Variants in ABRA observed in about 807,000 individuals in gnomAD.
ABRA encodes actin-binding Rho-activating protein.
A neutral mutation model predicts 33.4 loss-of-function variants in ABRA; 25 were observed. The ratio of observed to expected loss-of-function variants is 0.75; its 90% CI spans 0.55 to 1.04. The LOEUF is 1.04. ABRA is among the 50% of genes least tolerant of loss of function. ABRA has a pLI of 0.00. For synonymous variants in ABRA, 193 were observed against 176.8 expected (o/e 1.09, Z -0.73); for missense variants, 501 against 491.7 (o/e 1.02, Z -0.18).
chr8:106,763,492 A>G (rs1836165866), intron 1 of ABRA, among the ~76,000 whole-genome samples: 1 of 152,222 alleles, frequency 6.6e-6, no homozygotes, highest in South Asian at 2.1e-4. Flanking sequence ...GCTGAAGTGT[A>G]ATGGATTTCC....
At position 106,769,552 on chromosome 8, in the gene ABRA, C is replaced by A; in HGVS notation, c.639G>T (p.Val213=). 1.9e-6 allele frequency: 3 copies of A among 1,613,876 alleles called. No homozygotes were observed. Among genetic ancestry groups the A allele is most frequent in the Non-Finnish European group, 2.5e-6 (3 of 1,179,908 alleles). Residue 213 remains valine (V), a synonymous_variant, in exon 1 of 2, where the codon GTG becomes GTT. Coordinates refer to ENST00000311955, the MANE Select transcript of ABRA (RefSeq NM_139166.5). ...RPEQDGVQVA[V]VRIKRPLPSQ... is the part of the protein sequence containing the mutation. The stretch of plus-strand genomic sequence containing the variant: ...AGGGCAAGGGGCGCTTGATCCTGAC[C>A]ACAGCCACCTGCACTCCATCCTGCT...
chr8:106,769,650 C>T lies in ABRA; in HGVS notation c.541G>A (p.Glu181Lys), dbSNP rs1563782477. 1.9e-6 allele frequency: 3 copies of T among 1,614,188 alleles called. No homozygotes were observed. The highest frequency in any genetic ancestry group is 2.2e-5 in the South Asian group (2 of 91,086). Residue 181 changes from glutamate (E) to lysine (K), a missense_variant, in exon 1 of 2, where the codon GAG (glutamate) becomes AAG (lysine). By Grantham distance (56) the Glu-to-Lys change is moderately conservative. Coordinates refer to ENST00000311955, the MANE Select transcript of ABRA (RefSeq NM_139166.5). The stretch of plus-strand genomic sequence containing the variant: ...ACGCTGTCACTCCTCCATGTGGGCT[C>T]CTCCTGCTCCATCACTCTCCAGCCC... ...TKGWRVMEQE[E>K]PTWRSDSVDT...
intron 1 of ABRA, among the ~76,000 whole-genome samples, chr8:106,763,464 G>C (rs575801500): frequency 2.0e-5 from 3 of 152,154 alleles, no homozygotes; most frequent in African/African-American, 4.8e-5. Context: ...GTGTGAAAAA[G>C]TGCTAGGAGC....
At chr8:106,764,448 G>A (rs925894634) in intron 1 of ABRA, among the ~76,000 whole-genome samples, 5 of 152,184 alleles carry the variant, frequency 3.3e-5, no homozygotes, top group African/African-American at 9.6e-5. Flanking sequence ...GAGGCCAGGA[G>A]TTCGAGATTA....
rs1164427838 is a variant in ABRA, at chr8:106,760,400, A to G, written c.*637T>C. On this transcript the variant is annotated 3_prime_UTR_variant, in exon 2 of 2. Transcript: ENST00000311955. ...TTCAGCAACATCTTGACAACTTTTT[A>G]TATATGTGCTTGTTTTGTAAGTGAT... is the stretch of plus-strand genomic sequence containing the variant. 1 of 152,186 alleles carries G rather than the reference A, an allele frequency of 6.6e-6. No individual in the cohort carries two copies. Among genetic ancestry groups the G allele is most frequent in the African/African-American group, 2.4e-5 (1 of 41,448 alleles). The allele number at this position is 152,186 out of a possible 1,614,324, so 9.4% of individuals were successfully genotyped here.
rs771644211 is a variant in ABRA at position 106,770,032 on chromosome 8, C to G, written c.159G>C (p.Pro53=). 1 of 1,613,974 alleles carries G rather than the reference C, an allele frequency of 6.2e-7. No individual in the cohort carries two copies. Among genetic ancestry groups the G allele is most frequent in the Non-Finnish European group, 8.5e-7 (1 of 1,179,994 alleles). ...RQAQEPTGWL[P]GGTQDSPQAP... ...CTTGAGGTGAGTCCTGGGTCCCTCC[C>G]GGCAGCCAGCCTGTAGGCTCCTGGG... Residue 53 remains proline, a synonymous_variant, in exon 1 of 2, where the codon CCG becomes CCC. Coordinates refer to ENST00000311955, the MANE Select transcript of ABRA (RefSeq NM_139166.5).
intron 1 of ABRA, among the ~76,000 whole-genome samples, chr8:106,768,808 T>A (rs1784480): frequency 0.45 from 67,826 of 151,870 alleles, 15,453 homozygotes; most frequent in Admixed American, 0.51. Context: ...TATTTTTGTG[T>A]GTTTTTTGGT....
chr8:106,761,018 G>C lies in ABRA; in HGVS notation c.*19C>G. ...ATTAAGACCATAGTGGGCCAAATTT[G>C]GCTTTTGTTTTTGAAGGTTCACTTG... On this transcript the variant is annotated 3_prime_UTR_variant, in exon 2 of 2. Transcript: ENST00000311955. The C allele has an allele frequency of 6.2e-7, 1 of 1,600,770 alleles. No homozygotes were observed. Among genetic ancestry groups the C allele is most frequent in the Non-Finnish European group, 8.5e-7 (1 of 1,170,286 alleles).
chr8:106,769,224 C>T (rs552757715), intron 1 of ABRA, among the ~76,000 whole-genome samples: 19 of 152,316 alleles, frequency 1.2e-4, no homozygotes, highest in African/African-American at 4.1e-4. Flanking sequence ...AAAGAATTCA[C>T]GAAAAACAGG....
At chr8:106,763,169 A>T (rs1400630716) in intron 1 of ABRA, among the ~76,000 whole-genome samples, 1 of 152,222 alleles carries the variant, frequency 6.6e-6, no homozygotes, top group African/African-American at 2.4e-5. Context: ...GGCTGGAACC[A>T]AACACGTGGA....
In ABRA at chr8:106,761,331, C is replaced by A; in HGVS notation, c.852G>T (p.Glu284Asp). The change falls in exon 2 of 2, where the codon GAG becomes GAT. Residue 284 changes from glutamate to aspartate, a missense_variant. Transcript: ENST00000311955. ...AMSTRLHKGDEGYGRPKEGTK... is the reference protein window; with the variant it reads ...AMSTRLHKGDDGYGRPKEGTK... Reference sequence around the variant, plus strand: ...TTCCTTCTTTGGGGCGGCCATAGCCCTCATCTCCTTTGTGTAGGCGGGTGG... The same window carrying A: ...TTCCTTCTTTGGGGCGGCCATAGCCATCATCTCCTTTGTGTAGGCGGGTGG... 6.2e-7 allele frequency: 1 copy of A among 1,614,182 alleles called. No individual in the cohort carries two copies. The highest frequency in any genetic ancestry group is 8.5e-7 in the Non-Finnish European group (1 of 1,180,040).
rs763284246 is a variant in ABRA, at chr8:106,769,642, T to C, written c.549A>G (p.Thr183=). The change falls in exon 1 of 2, where the codon ACA becomes ACG. Residue 183 remains threonine (T), a synonymous_variant. Coordinates refer to ENST00000311955, the MANE Select transcript of ABRA (RefSeq NM_139166.5). ...GWRVMEQEEP[T]WRSDSVDTED... ...CTGTGTCTACGCTGTCACTCCTCCA[T>C]GTGGGCTCCTCCTGCTCCATCACTC... 3.1e-6 allele frequency: 5 copies of C among 1,614,180 alleles called. No homozygotes were observed. In the South Asian group the frequency reaches 3.3e-5, roughly 11 times the overall value.
At chr8:106,767,254 G>T (rs1181417144) in intron 1 of ABRA, among the ~76,000 whole-genome samples, 1 of 152,122 alleles carries the variant, frequency 6.6e-6, no homozygotes, top group Admixed American at 6.5e-5. Flanking sequence ...ATTCAGGATC[G>T]GTCCCAGCTG....
chr8:106,769,062 T>C (rs183645847), intron 1 of ABRA, among the ~76,000 whole-genome samples: 5 of 152,320 alleles, frequency 3.3e-5, no homozygotes, highest in Admixed American at 2.0e-4. Context: ...AGTCAGAGAT[T>C]TGTATTCCAT....
Position 106,762,134 on chromosome 8 carries a change from T to G in ABRA, c.669-620A>C, listed in dbSNP as rs1177116083. Reference sequence around the variant, plus strand: ...ATTCTTCTAAATGCTTTATTAATATTCCCCACAACCATTTCCTGAGATAGG... The same window carrying G: ...ATTCTTCTAAATGCTTTATTAATATGCCCCACAACCATTTCCTGAGATAGG... On this transcript the variant is annotated intron_variant, in intron 1 of 1. Transcript: ENST00000311955. Among the ~76,000 whole-genome samples the G allele has an allele frequency of 2.0e-5, 3 of 152,184 alleles. No individual in the cohort carries two copies. The East Asian group carries it at 5.8e-4, about 29-fold the overall frequency.
chr8:106,769,673 C>G lies in ABRA; in HGVS notation c.518G>C (p.Gly173Ala). 1.1e-5 allele frequency: 18 copies of G among 1,614,172 alleles called. No individual in the cohort carries two copies. The highest frequency in any genetic ancestry group is 1.3e-5 in the Non-Finnish European group (15 of 1,180,036). The change falls in exon 1 of 2, where the codon GGC (glycine) becomes GCC (alanine). Residue 173 changes from glycine (G) to alanine (A), a missense_variant. Gly to Ala is a moderately conservative substitution (Grantham distance 60, BLOSUM62 0). Coordinates refer to ENST00000311955, the MANE Select transcript of ABRA (RefSeq NM_139166.5). ...CTCCTCCTGCTCCATCACTCTCCAG[C>G]CCTTGGTTAGCTCAGACACCAGGTT... The part of the protein sequence containing the change: ...CANLVSELTK[G>A]WRVMEQEEPT...
At chr8:106,765,582 CG>C (rs137855729) in intron 1 of ABRA, among the ~76,000 whole-genome samples, 3,546 of 152,216 alleles carry the variant, frequency 0.023, 146 homozygotes, top group African/African-American at 0.08. Context: ...TTACTGAGAG[CG>C]TGACATCAAG....
At position 106,761,421 on chromosome 8, in the gene ABRA, A is replaced by G. The variant is rs1178556742; in HGVS notation, c.762T>C (p.Asp254=). ...NLKGRWQQWA[D]EHIQSQKLNP... ...TGAGCTTCTGGGATTGTATGTGTTCATCAGCCCACTGCTGCCATCTCCCTT... is the reference window on the plus strand; with the variant it reads ...TGAGCTTCTGGGATTGTATGTGTTCGTCAGCCCACTGCTGCCATCTCCCTT... The change falls in exon 2 of 2, where the codon GAT becomes GAC. Residue 254 remains aspartate, a synonymous_variant. Transcript: ENST00000311955. 6.2e-7 allele frequency: 1 copy of G among 1,614,218 alleles called. No individual in the cohort carries two copies. Among genetic ancestry groups the G allele is most frequent in the Non-Finnish European group, 8.5e-7 (1 of 1,180,046 alleles).
chr8:106,769,241 T>G (rs1253407177), intron 1 of ABRA, among the ~76,000 whole-genome samples: 5 of 152,210 alleles, frequency 3.3e-5, no homozygotes, highest in Non-Finnish European at 5.9e-5. Flanking sequence ...CAGGCTTCCC[T>G]CTCTGATGGC....
Sources: gnomAD v4.1 joint callset for allele counts (sites outside exome capture counted in the v4.1 genomes callset) on GRCh38, gnomAD v4.1.1 for gene constraint, MANE v1.5 for transcripts, NCBI Gene and HGNC (gene_info 2026-07-23, HGNC 2026-07-21) for gene names.